Variants in ADGRB3 observed in about 807,000 individuals in gnomAD.
ADGRB3 encodes the protein brain-specific angiogenesis inhibitor 3.
ADGRB3 carries 37 observed loss-of-function variants against 193.4 expected under a neutral mutation model. The ratio of observed to expected loss-of-function variants is 0.19; its 90% CI spans 0.15 to 0.25. The LOEUF (loss-of-function observed/expected upper bound fraction) is 0.25, where lower values mean the gene tolerates loss of function less well. Among genes scored for constraint, ADGRB3 ranks in the 10% least tolerant of loss-of-function variants. The pLI is 1.00. For missense variants in ADGRB3, 1,637 were observed against 1,852.9 expected (o/e 0.88, Z 2.14); for synonymous variants, 690 against 644.2 (o/e 1.07, Z -1.08).
At chr6:68,873,103 T>A (rs1039546182) in intron 3 of ADGRB3, among the ~76,000 whole-genome samples, 2 of 152,182 alleles carry the variant, frequency 1.3e-5, no homozygotes, top group Non-Finnish European at 2.9e-5. Context: ...GAACATGTGA[T>A]GGTTTTAGGA....
At chr6:68,784,197 A>C (rs1490847404) in intron 3 of ADGRB3, among the ~76,000 whole-genome samples, 1 of 152,138 alleles carries the variant, frequency 6.6e-6, no homozygotes, top group Non-Finnish European at 1.5e-5. Context: ...CTACAATTTG[A>C]ATATGAGAAA....
At chr6:69,146,824 T>C (rs991602268) in intron 17 of ADGRB3, among the ~76,000 whole-genome samples, 16 of 114,616 alleles carry the variant, frequency 1.4e-4, no homozygotes, top group African/African-American at 4.7e-4. Flanking sequence ...ATTACTTCTT[T>C]TTTTTTTTTT....
At chr6:69,136,357 A>G (rs1774149105) in intron 17 of ADGRB3, among the ~76,000 whole-genome samples, 1 of 152,148 alleles carries the variant, frequency 6.6e-6, no homozygotes, top group South Asian at 2.1e-4. Flanking sequence ...CAAAAAAATG[A>G]AAGAATGTAT....
In ADGRB3 at chr6:69,231,413, A is replaced by G. The variant is rs576690654; in HGVS notation, c.2481-1877A>G. 3.3e-5 allele frequency among the ~76,000 whole-genome samples: 5 copies of G among 152,366 alleles called. No homozygotes were observed. The South Asian group carries it at 8.3e-4, about 25-fold the overall frequency. On this transcript the variant is annotated intron_variant, in intron 17 of 31. Transcript: ENST00000370598. ...TAAGTACTGGACTCCACTTGAAAGC[A>G]TATGTACTGCATTAAAGTAAAGCTG...
chr6:69,145,996 C>G (rs910498906), intron 17 of ADGRB3, among the ~76,000 whole-genome samples: 2 of 152,158 alleles, frequency 1.3e-5, no homozygotes, highest in African/African-American at 4.8e-5. Flanking sequence ...CTCCAGTCCA[C>G]GGGATTACCA....
At chr6:68,665,515 C>A (rs559216282) in intron 3 of ADGRB3, among the ~76,000 whole-genome samples, 1 of 151,892 alleles carries the variant, frequency 6.6e-6, no homozygotes, top group South Asian at 2.1e-4. Context: ...AAAACAACAA[C>A]AACAATAACA....
intron 3 of ADGRB3, among the ~76,000 whole-genome samples, chr6:68,739,287 T>A (rs1765932416): frequency 6.6e-6 from 1 of 152,202 alleles, no homozygotes; most frequent in Non-Finnish European, 1.5e-5. Context: ...AAAAAAGAAC[T>A]GGCAAATTAA....
intron 3 of ADGRB3, among the ~76,000 whole-genome samples, chr6:68,843,902 G>T (rs1768218943): frequency 6.6e-6 from 1 of 152,064 alleles, no homozygotes; most frequent in Non-Finnish European, 1.5e-5. Context: ...TAACACAGCT[G>T]CCAAGAATGT....
intron 17 of ADGRB3, among the ~76,000 whole-genome samples, chr6:69,198,908 C>T (rs1426780548): frequency 6.6e-6 from 1 of 151,946 alleles, no homozygotes; most frequent in Non-Finnish European, 1.5e-5. Context: ...TATCAAAATC[C>T]AAAAGAAATC....
chr6:68,828,062 A>G (rs1767878933), intron 3 of ADGRB3, among the ~76,000 whole-genome samples: 1 of 152,220 alleles, frequency 6.6e-6, no homozygotes, highest in African/African-American at 2.4e-5. Context: ...AAACGCACAT[A>G]GTATACACTG....
At chr6:68,875,189 CTTCCTTCCTT>C in intron 3 of ADGRB3, among the ~76,000 whole-genome samples, 1 of 116,244 alleles carries the variant, frequency 8.6e-6, no homozygotes, top group Non-Finnish European at 1.8e-5. Context: ...TCCTTCCTTC[CTTCCTTCCTT>C]CCCCCGGCCC....
At chr6:68,914,640 A>G (rs1215542722) in intron 3 of ADGRB3, among the ~76,000 whole-genome samples, 5 of 152,252 alleles carry the variant, frequency 3.3e-5, no homozygotes, top group Non-Finnish European at 1.5e-5. Flanking sequence ...ATGAACTAAC[A>G]AGCAAAATAA....
rs1232956762 is a variant in ADGRB3 at position 68,681,043 on chromosome 6, A to G, written c.757+41611A>G. ...GTATCTCTTTTTGGTAAGGGCCTCA[A>G]GAAGCTTTCATCATGGAGGAAGGCT... On this transcript the variant is annotated intron_variant, in intron 3 of 31. Coordinates refer to ENST00000370598, the MANE Select transcript of ADGRB3 (RefSeq NM_001704.3). Among the ~76,000 whole-genome samples the G allele has an allele frequency of 2.0e-5, 3 of 152,162 alleles. No individual in the cohort carries two copies. In the East Asian group the frequency reaches 5.8e-4, roughly 29 times the overall value.
intron 6 of ADGRB3, among the ~76,000 whole-genome samples, chr6:68,945,312 T>C (rs1329934152): frequency 6.6e-6 from 1 of 152,136 alleles, no homozygotes; most frequent in African/African-American, 2.4e-5. Context: ...TATGAGTTAA[T>C]ATTCATACAA....
intron 22 of ADGRB3, 56 bp from the exon 23 acceptor site, chr6:69,330,450 A>T: frequency 7.4e-7 from 1 of 1,355,038 alleles, no homozygotes; most frequent in Non-Finnish European, 1.0e-6. Flanking sequence ...ATCACACGTT[A>T]GTGGTCTAAT....
intron 10 of ADGRB3, among the ~76,000 whole-genome samples, chr6:68,992,779 G>A (rs1207953586): frequency 1.3e-5 from 2 of 152,052 alleles, no homozygotes; most frequent in Non-Finnish European, 2.9e-5. Flanking sequence ...TTTTTGATTA[G>A]ATCAGATTGA....
intron 29 of ADGRB3, among the ~76,000 whole-genome samples, chr6:69,367,617 T>G (rs1310392741): frequency 1.3e-5 from 2 of 152,012 alleles, no homozygotes; most frequent in Admixed American, 1.3e-4. Context: ...TGGCCAGTGA[T>G]GATGAGCATT....
chr6:69,324,199 G>T (rs1402229543), intron 20 of ADGRB3, among the ~76,000 whole-genome samples: 1 of 152,044 alleles, frequency 6.6e-6, no homozygotes, highest in Non-Finnish European at 1.5e-5. Context: ...TAAAATCTTA[G>T]CCCTGTACTG....
chr6:69,149,962 G>GTGTA lies in ADGRB3; in HGVS notation c.2480+73927_2480+73928insATGT, dbSNP rs1403381996. 6.2e-5 allele frequency among the ~76,000 whole-genome samples: 9 copies of GTGTA among 145,156 alleles called. No homozygotes were observed. The East Asian group carries it at 1.8e-3, about 28-fold the overall frequency. On this transcript the variant is annotated intron_variant, in intron 17 of 31. Transcript: ENST00000370598. ...TGTGTGTGTGTGTGTGTGTGTGTGT[G>GTGTA]TGTGTGTGTGTGTTGAGATCCCTGG... is the stretch of plus-strand genomic sequence containing the variant.
Sources: allele counts gnomAD v4.1 joint callset (sites outside exome capture counted in the v4.1 genomes callset), GRCh38; gene constraint gnomAD v4.1.1; transcripts MANE v1.5; gene names NCBI Gene and HGNC (gene_info 2026-07-23, HGNC 2026-07-21).